Variants in PTAR1 observed in about 807,000 individuals in gnomAD.
The protein encoded by PTAR1 is protein prenyltransferase alpha subunit repeat-containing protein 1.
A neutral mutation model predicts 45.5 loss-of-function variants in PTAR1; 17 were observed. The observed-to-expected ratio is 0.37, with a 90% CI of 0.26 to 0.56. The LOEUF is 0.56. Ranked by LOEUF, PTAR1 falls within the 20% of genes least tolerant of loss-of-function variation. The pLI is 0.77. For missense variants in PTAR1, 391 were observed against 476.3 expected, an observed-to-expected ratio of 0.82 and a Z score of 1.67; for synonymous variants, 169 against 171.3, an observed-to-expected ratio of 0.99 and a Z score of 0.11.
intron 3 of PTAR1, among the ~76,000 whole-genome samples, chr9:69,740,821 A>G (rs1826013144): frequency 1.3e-5 from 2 of 152,198 alleles, no homozygotes; most frequent in Non-Finnish European, 1.5e-5. Context: ...CGAGTCATAT[A>G]TGATTTAAAA....
At position 69,718,557 on chromosome 9, in the gene PTAR1, G is replaced by A; in HGVS notation, c.994C>T (p.Leu332=). ...LQHHLNAGSQ[L]SQAMEVDGLN... ...CCATCTACTTCCATTGCTTGAGACA[G>A]CTGGGAGCCTGCTGGGATAAGGTGC... Residue 332 remains leucine (L), a synonymous_variant, in exon 8 of 8, where the codon CTG becomes TTG. Transcript: ENST00000340434. The A allele has an allele frequency of 8.1e-6, 13 of 1,613,722 alleles. No individual in the cohort carries two copies. Among genetic ancestry groups the A allele is most frequent in the Non-Finnish European group, 1.1e-5 (13 of 1,179,712 alleles).
At position 69,718,323 on chromosome 9, in the gene PTAR1, T is replaced by C. The variant is rs1398400655; in HGVS notation, c.*19A>G. The C allele has an allele frequency of 5.8e-6, 9 of 1,550,306 alleles. No homozygotes were observed. Among genetic ancestry groups the C allele is most frequent in the Non-Finnish European group, 7.9e-6 (9 of 1,138,926 alleles). ...ATATTGCACTAAAAGGGGAACCTTG[T>C]AGGACTAATTCACCTCTTTCATTGA... On this transcript the variant is annotated 3_prime_UTR_variant, in exon 8 of 8. Transcript: ENST00000340434.
chr9:69,740,587 GC>G (rs970382383), intron 3 of PTAR1, among the ~76,000 whole-genome samples: 4 of 150,962 alleles, frequency 2.6e-5, no homozygotes, highest in African/African-American at 7.3e-5. Context: ...TGATTTCCGT[GC>G]CCAATTTGCA....
intron 4 of PTAR1, 60 bp from the exon 5 acceptor site, chr9:69,732,412 A>C: frequency 8.2e-7 from 1 of 1,223,356 alleles, no homozygotes. Context: ...AGAGAAAAAT[A>C]ACCAGTTTTC....
chr9:69,721,436 A>G (rs1400158258), intron 6 of PTAR1, among the ~76,000 whole-genome samples: 2 of 152,246 alleles, frequency 1.3e-5, no homozygotes. Flanking sequence ...GATAGAATCT[A>G]CTTCTGGTGA....
intron 5 of PTAR1, among the ~76,000 whole-genome samples, chr9:69,727,052 C>CACAT (rs55970712): frequency 4.2e-4 from 59 of 141,310 alleles, no homozygotes; most frequent in Admixed American, 3.0e-4. Flanking sequence ...CACACACACA[C>CACAT]GTATACACAC....
At chr9:69,745,480 C>T (rs1223949263) in intron 2 of PTAR1, among the ~76,000 whole-genome samples, 1 of 152,224 alleles carries the variant, frequency 6.6e-6, no homozygotes, top group Admixed American at 6.5e-5. Context: ...CTCCCTCCAT[C>T]ACAAGTGAAG....
chr9:69,719,049 C>T (rs994998714), intron 6 of PTAR1, among the ~76,000 whole-genome samples: 1 of 151,966 alleles, frequency 6.6e-6, no homozygotes, highest in African/African-American at 2.4e-5. Flanking sequence ...AAAACAAAAC[C>T]AAGACAAATC....
chr9:69,749,391 T>C (rs1031407996), intron 2 of PTAR1, among the ~76,000 whole-genome samples: 2 of 152,132 alleles, frequency 1.3e-5, no homozygotes, highest in Non-Finnish European at 2.9e-5. Context: ...GATGGAGTCA[T>C]ATGGTGTTAC....
In PTAR1 at chr9:69,750,958, T is replaced by G. The variant is rs751499546; in HGVS notation, c.87-8A>C. 7 of 1,527,878 alleles carry G rather than the reference T, an allele frequency of 4.6e-6. No homozygotes were observed. The highest frequency in any genetic ancestry group is 6.2e-6 in the Non-Finnish European group (7 of 1,137,378). The allele number at this position is 1,527,878 out of a possible 1,614,324, so 94.6% of individuals were successfully genotyped here. ...ATCAGGCCAATTTCATCTCTTAATA[T>G]GTAAAACATAAAAAAGAATTAAAAA... is the stretch of plus-strand genomic sequence containing the variant. On this transcript the variant is annotated splice_region_variant and splice_polypyrimidine_tract_variant and intron_variant, in intron 1 of 7. Coordinates refer to ENST00000340434, the MANE Select transcript of PTAR1 (RefSeq NM_001099666.2).
At chr9:69,740,072 C>A (rs1825973361) in intron 3 of PTAR1, among the ~76,000 whole-genome samples, 1 of 152,134 alleles carries the variant, frequency 6.6e-6, no homozygotes, top group South Asian at 2.1e-4. Flanking sequence ...TACTCAAAGT[C>A]AGCCGCTAGT....
chr9:69,711,737 TCTC>T lies in PTAR1; in HGVS notation c.*6602_*6604del, dbSNP rs1348914571. 1 of 152,162 alleles carries T rather than the reference TCTC, an allele frequency of 6.6e-6. No individual in the cohort carries two copies. Among genetic ancestry groups the T allele is most frequent in the African/African-American group, 2.4e-5 (1 of 41,450 alleles). 9.4% of individuals were successfully genotyped at this position (152,162 alleles called of 1,614,324 possible). A position where few individuals can be genotyped will look rare whatever the true frequency, so the allele number is the denominator to read the frequency against. ...AGAAAATACTACTTAATCTTTCACATCTCCTATCTTTCAACTATGTTCTGTATA... is the reference window on the plus strand; with the variant it reads ...AGAAAATACTACTTAATCTTTCACATCTATCTTTCAACTATGTTCTGTATA... On this transcript the variant is annotated 3_prime_UTR_variant, in exon 8 of 8. Transcript: ENST00000340434.
intron 4 of PTAR1, among the ~76,000 whole-genome samples, chr9:69,732,833 TC>T (rs1825602536): frequency 6.6e-6 from 1 of 152,220 alleles, no homozygotes; most frequent in South Asian, 2.1e-4. Context: ...TCAGCAAAAT[TC>T]TGTATTATAG....
chr9:69,747,241 A>G (rs1826312993), intron 2 of PTAR1, among the ~76,000 whole-genome samples: 2 of 152,222 alleles, frequency 1.3e-5, no homozygotes. Flanking sequence ...GACAAGTGAT[A>G]CTATTATGCA....
chr9:69,746,773 G>A (rs1826293906), intron 2 of PTAR1, among the ~76,000 whole-genome samples: 1 of 152,194 alleles, frequency 6.6e-6, no homozygotes, highest in Admixed American at 6.5e-5. Context: ...GAAGATAAAA[G>A]GATGCTACAG....
At chr9:69,747,289 A>G (rs902410372) in intron 2 of PTAR1, among the ~76,000 whole-genome samples, 1 of 152,196 alleles carries the variant, frequency 6.6e-6, no homozygotes, top group Middle Eastern at 3.2e-3. Context: ...AAGAGCAGGG[A>G]ATAATTATTG....
intron 6 of PTAR1, among the ~76,000 whole-genome samples, chr9:69,719,989 C>A (rs1285634313): frequency 6.6e-6 from 1 of 152,152 alleles, no homozygotes; most frequent in African/African-American, 2.4e-5. Context: ...TCCCTCACCC[C>A]AGGCCTCCCT....
At chr9:69,742,562 T>C (rs1048593765) in intron 2 of PTAR1, among the ~76,000 whole-genome samples, 6 of 152,084 alleles carry the variant, frequency 3.9e-5, no homozygotes, top group Non-Finnish European at 8.8e-5. Flanking sequence ...TTTTGTCTTG[T>C]AGGCTATTTT....
chr9:69,753,981 A>C (rs1826647324), intron 1 of PTAR1, among the ~76,000 whole-genome samples: 1 of 152,212 alleles, frequency 6.6e-6, no homozygotes, highest in Non-Finnish European at 1.5e-5. Context: ...TTGGTTAATA[A>C]TGGAAAGCCG....
Sources: allele counts gnomAD v4.1 joint callset (sites outside exome capture counted in the v4.1 genomes callset), GRCh38; gene constraint gnomAD v4.1.1; transcripts MANE v1.5; gene names NCBI Gene and HGNC (gene_info 2026-07-23, HGNC 2026-07-21).